The following THEMIS variants were observed in gnomAD, a reference collection of about 807,000 sequenced individuals.
THEMIS encodes protein THEMIS.
In THEMIS, 37 loss-of-function variants were observed where a neutral mutation model predicts 52.6. The ratio of observed to expected loss-of-function variants is 0.70; its 90% CI spans 0.54 to 0.93. The LOEUF is 0.93. THEMIS is among the 40% of genes least tolerant of loss of function. The pLI, the probability that THEMIS is intolerant of heterozygous loss-of-function variation, is 0.00. For synonymous variants in THEMIS, 292 were observed against 272.7 expected, an observed-to-expected ratio of 1.07 and a Z score of -0.70; for missense variants, 808 against 763.1, an observed-to-expected ratio of 1.06 and a Z score of -0.69.
rs192130194 is a variant in THEMIS, at chr6:127,848,916, G to A, written c.250+6114C>T. ...TGGTAGTTTCTTTTGCTGTGCAGAA[G>A]CTCTTTAGTTTAATTAGATCCCATT... On this transcript the variant is annotated intron_variant, in intron 2 of 5. Coordinates refer to ENST00000368248, the MANE Select transcript of THEMIS (RefSeq NM_001010923.3). Among the ~76,000 whole-genome samples, 28 of 152,150 alleles carry A rather than the reference G, an allele frequency of 1.8e-4. 1 individual carries two copies. The East Asian group carries it at 3.9e-3, about 21-fold the overall frequency.
At chr6:127,781,047 G>C (rs887832037) in intron 4 of THEMIS, among the ~76,000 whole-genome samples, 2 of 151,844 alleles carry the variant, frequency 1.3e-5, no homozygotes, top group African/African-American at 4.8e-5. Context: ...TGTATGATTG[G>C]TCTTTTCACA....
At chr6:127,770,351 A>G (rs1053097639) in intron 4 of THEMIS, among the ~76,000 whole-genome samples, 1 of 152,008 alleles carries the variant, frequency 6.6e-6, no homozygotes, top group African/African-American at 2.4e-5. Flanking sequence ...TGTGGTTTTG[A>G]TTTGCATTTT....
At chr6:127,901,482 T>C (rs1227076580), upstream of THEMIS, among the ~76,000 whole-genome samples, 1 of 152,100 alleles carries the variant, frequency 6.6e-6, no homozygotes, top group East Asian at 1.9e-4. Flanking sequence ...GTGCTTTGCG[T>C]CAGCTCTTTT....
At chr6:127,872,248 T>G (rs2114388148) in intron 1 of THEMIS, among the ~76,000 whole-genome samples, 1 of 152,224 alleles carries the variant, frequency 6.6e-6, no homozygotes, top group African/African-American at 2.4e-5. Context: ...AAAAATCATT[T>G]AACAAAATTT....
At chr6:127,814,978 G>A (rs531482580) in intron 3 of THEMIS, among the ~76,000 whole-genome samples, 23 of 152,190 alleles carry the variant, frequency 1.5e-4, no homozygotes, top group African/African-American at 4.8e-4. Context: ...GCAATATAGT[G>A]AGACCTTGTC....
chr6:127,774,786 G>A (rs1437362435), intron 4 of THEMIS, among the ~76,000 whole-genome samples: 8 of 152,130 alleles, frequency 5.3e-5, no homozygotes, highest in Admixed American at 5.2e-4. Flanking sequence ...TTTAAGTTCA[G>A]AATCTCATCA....
chr6:127,794,820 T>C (rs1037671186), intron 4 of THEMIS, among the ~76,000 whole-genome samples: 2 of 152,234 alleles, frequency 1.3e-5, no homozygotes, highest in Non-Finnish European at 2.9e-5. Context: ...ATAGCACTCT[T>C]AATGCTCTAA....
At chr6:127,885,668 A>G (rs1348989478) in intron 1 of THEMIS, among the ~76,000 whole-genome samples, 4 of 152,130 alleles carry the variant, frequency 2.6e-5, no homozygotes, top group Non-Finnish European at 5.9e-5. Context: ...AAGAAATAGT[A>G]TAATATTTAA....
Position 127,771,744 on chromosome 6 carries a change from T to C in THEMIS, c.1758+41139A>G, listed in dbSNP as rs188030640. ...AGCATTGATTGTTTAAAACCAAAGA[T>C]GGGATTATTTCAAGTTACACTACGA... On this transcript the variant is annotated intron_variant, in intron 4 of 5. Transcript: ENST00000368248. Among the ~76,000 whole-genome samples the C allele has an allele frequency of 5.3e-5, 8 of 152,260 alleles. No homozygotes were observed. In the East Asian group the frequency reaches 1.5e-3, roughly 29 times the overall value.
intron 2 of THEMIS, among the ~76,000 whole-genome samples, chr6:127,846,154 C>T (rs150660665): frequency 6.6e-6 from 1 of 152,062 alleles, no homozygotes; most frequent in African/African-American, 2.4e-5. Flanking sequence ...CTTCTGTGGC[C>T]ACACATGATG....
intron 1 of THEMIS, among the ~76,000 whole-genome samples, chr6:127,879,956 C>T (rs1780429981): frequency 6.6e-6 from 1 of 152,176 alleles, no homozygotes; most frequent in Non-Finnish European, 1.5e-5. Context: ...CAGACTCCTC[C>T]CCCGGGTGTA....
chr6:127,699,446 A>G, the THEMIS span, among the ~76,000 whole-genome samples: 1 of 149,946 alleles, frequency 6.7e-6, no homozygotes, highest in African/African-American at 2.5e-5. Context: ...AGCTAGGGTG[A>G]AAAGTACATT....
intron 4 of THEMIS, among the ~76,000 whole-genome samples, chr6:127,723,437 G>A (rs1583199876): frequency 6.6e-6 from 1 of 151,954 alleles, no homozygotes; most frequent in African/African-American, 2.4e-5. Context: ...CGTGTCAAGA[G>A]GTCTCAAGGT....
chr6:127,896,483 ATAGACT>A (rs1780971346), intron 1 of THEMIS, among the ~76,000 whole-genome samples: 1 of 151,592 alleles, frequency 6.6e-6, no homozygotes, highest in South Asian at 2.1e-4. Flanking sequence ...CAGAAATGAA[ATAGACT>A]TAAATAACTA....
the THEMIS span, among the ~76,000 whole-genome samples, chr6:127,702,691 G>C: frequency 2.1e-3 from 322 of 151,662 alleles, 1 homozygote; most frequent in Non-Finnish European, 3.8e-3. Flanking sequence ...ACATACCCGA[G>C]ACTGGGCAAG....
intron 4 of THEMIS, among the ~76,000 whole-genome samples, chr6:127,805,603 A>G (rs780154391): frequency 6.6e-6 from 1 of 151,996 alleles, no homozygotes; most frequent in African/African-American, 2.4e-5. Context: ...TTGGAAGCCT[A>G]TTTTATTGCA....
chr6:127,752,323 A>G (rs1168124694), intron 4 of THEMIS, among the ~76,000 whole-genome samples: 1 of 151,350 alleles, frequency 6.6e-6, no homozygotes, highest in Non-Finnish European at 1.5e-5. Context: ...AAATAAATAA[A>G]ATAGAGACAA....
intron 3 of THEMIS, among the ~76,000 whole-genome samples, chr6:127,818,259 C>A (rs115219498): frequency 6.6e-6 from 1 of 152,196 alleles, no homozygotes; most frequent in Non-Finnish European, 1.5e-5. Context: ...CCTAGAGACA[C>A]AGGCTCACTA....
chr6:127,848,757 C>T (rs1258689228), intron 2 of THEMIS, among the ~76,000 whole-genome samples: 2 of 152,074 alleles, frequency 1.3e-5, no homozygotes, highest in Non-Finnish European at 2.9e-5. Flanking sequence ...CCCTTGCCCA[C>T]TTTTTGATGG....
Sources: gnomAD v4.1 joint callset for allele counts (sites outside exome capture counted in the v4.1 genomes callset) on GRCh38, gnomAD v4.1.1 for gene constraint, MANE v1.5 for transcripts, NCBI Gene and HGNC (gene_info 2026-07-23, HGNC 2026-07-21) for gene names.